RNF150: variants seen among roughly 807,000 people sequenced by gnomAD.
The protein encoded by RNF150 is ring finger protein 150.
RNF150 carries 24 observed loss-of-function variants against 39.3 expected under a neutral mutation model. The ratio of observed to expected loss-of-function variants is 0.61; its 90% CI spans 0.44 to 0.86. The LOEUF (loss-of-function observed/expected upper bound fraction) is 0.86. Among genes scored for constraint, RNF150 ranks in the 40% least tolerant of loss-of-function variants. The probability of loss-of-function intolerance (pLI) is 0.00; values close to 1 mark genes in which losing one functional copy is unlikely to be tolerated. For missense variants in RNF150, 502 were observed against 587.8 expected, an observed-to-expected ratio of 0.85 and a Z score of 1.51; for synonymous variants, 255 against 227.3, an observed-to-expected ratio of 1.12 and a Z score of -1.10.
intron 1 of RNF150, among the ~76,000 whole-genome samples, chr4:141,148,483 G>T (rs1727239561): frequency 6.6e-6 from 1 of 151,798 alleles, no homozygotes; most frequent in Admixed American, 6.6e-5. Flanking sequence ...TGTTCTTGTT[G>T]CCCAGGCTGG....
chr4:141,174,626 C>G (rs1318327530), intron 1 of RNF150, among the ~76,000 whole-genome samples: 1 of 152,024 alleles, frequency 6.6e-6, no homozygotes, highest in African/African-American at 2.4e-5. Flanking sequence ...TTATTTGGTT[C>G]CTTGGTCCCT....
In RNF150 at chr4:141,210,629, T is replaced by C. The variant is rs375967673; in HGVS notation, c.-6+2165A>G. ...AAGGGATTTTTTAAAAACATTGTTT[T>C]TCATTTGGCCCCATTGTTTTTTTTA... On this transcript the variant is annotated intron_variant, in intron 1 of 7. Transcript: ENST00000420921. Among the ~76,000 whole-genome samples, 3 of 152,268 alleles carry C rather than the reference T, an allele frequency of 2.0e-5. No individual in the cohort carries two copies. The East Asian group carries it at 5.8e-4, about 29-fold the overall frequency.
chr4:141,144,941 T>C (rs1727176369), intron 1 of RNF150, among the ~76,000 whole-genome samples: 2 of 152,162 alleles, frequency 1.3e-5, no homozygotes, highest in Admixed American at 6.5e-5. Flanking sequence ...AATTTGATAA[T>C]AAAATATTTA....
At chr4:141,050,563 C>T (rs1736737965) in intron 1 of RNF150, among the ~76,000 whole-genome samples, 1 of 152,118 alleles carries the variant, frequency 6.6e-6, no homozygotes, top group Non-Finnish European at 1.5e-5. Context: ...GAGAAAATGG[C>T]CAAAATGAAG....
intron 1 of RNF150, among the ~76,000 whole-genome samples, chr4:141,150,556 A>AT (rs1258437249): frequency 6.6e-6 from 1 of 152,024 alleles, no homozygotes; most frequent in Non-Finnish European, 1.5e-5. Context: ...TCTTTCCTCA[A>AT]TTTTCCGGTA....
chr4:141,031,890 T>C (rs988241781), intron 1 of RNF150, among the ~76,000 whole-genome samples: 3 of 151,968 alleles, frequency 2.0e-5, no homozygotes, highest in Non-Finnish European at 4.4e-5. Context: ...TTGATACATA[T>C]GCAGAGGAAA....
chr4:140,999,979 AGAAG>A (rs1734549664), intron 1 of RNF150, among the ~76,000 whole-genome samples: 3 of 28,662 alleles, frequency 1.0e-4, no homozygotes, highest in East Asian at 9.5e-4. Flanking sequence ...GAAGAAGAAA[AGAAG>A]AAAAGAAGAA....
intron 2 of RNF150, among the ~76,000 whole-genome samples, chr4:140,958,221 A>T (rs1732859607): frequency 6.6e-6 from 1 of 152,116 alleles, no homozygotes; most frequent in Non-Finnish European, 1.5e-5. Flanking sequence ...AAGGGACTGT[A>T]GATTTTGGTA....
chr4:141,005,650 G>C (rs191315238), intron 1 of RNF150, among the ~76,000 whole-genome samples: 93 of 152,284 alleles, frequency 6.1e-4, no homozygotes, highest in Middle Eastern at 3.4e-3. Context: ...GAGAAATGTG[G>C]CTACAACAAA....
chr4:141,005,929 C>T (rs922411925), intron 1 of RNF150, among the ~76,000 whole-genome samples: 2 of 146,978 alleles, frequency 1.4e-5, no homozygotes, highest in Non-Finnish European at 3.0e-5. Context: ...ATTAGCCGGG[C>T]GTAGTGGCGG....
chr4:140,947,591 G>A, intron 4 of RNF150, 63 bp downstream of exon 4: 1 of 1,223,820 alleles, frequency 8.2e-7, no homozygotes, highest in South Asian at 1.3e-5. Flanking sequence ...CGGGGCCAGG[G>A]AGGCCACGCA....
chr4:141,088,702 C>T (rs1738460555), intron 1 of RNF150, among the ~76,000 whole-genome samples: 1 of 151,592 alleles, frequency 6.6e-6, no homozygotes, highest in Admixed American at 6.6e-5. Context: ...CACACACACA[C>T]ACACACTTGA....
At chr4:141,145,730 A>G (rs1727190162) in intron 1 of RNF150, among the ~76,000 whole-genome samples, 1 of 152,232 alleles carries the variant, frequency 6.6e-6, no homozygotes, top group African/African-American at 2.4e-5. Flanking sequence ...AAGGAATTGT[A>G]TCAATTGCCC....
intron 1 of RNF150, among the ~76,000 whole-genome samples, chr4:141,109,091 G>A (rs549237686): frequency 5.3e-5 from 8 of 152,128 alleles, no homozygotes; most frequent in African/African-American, 1.4e-4. Flanking sequence ...ATACATTAGC[G>A]GTCACTTCAA....
chr4:141,115,050 A>G (rs939962088), intron 1 of RNF150, among the ~76,000 whole-genome samples: 5 of 152,220 alleles, frequency 3.3e-5, no homozygotes, highest in Non-Finnish European at 7.3e-5. Context: ...TGAATGGGCA[A>G]AAGCTGGAAG....
At chr4:141,075,254 G>A (rs1250711836) in intron 1 of RNF150, among the ~76,000 whole-genome samples, 1 of 152,256 alleles carries the variant, frequency 6.6e-6, no homozygotes, top group Non-Finnish European at 1.5e-5. Context: ...TGCGAAAGCA[G>A]CTATAGGCGA....
chr4:141,096,450 G>A (rs915400388), intron 1 of RNF150, among the ~76,000 whole-genome samples: 54 of 151,908 alleles, frequency 3.6e-4, no homozygotes, highest in African/African-American at 1.2e-3. Flanking sequence ...CGCCCGCCTC[G>A]GCCTCCCAAA....
chr4:141,130,720 T>C (rs1726872839), intron 1 of RNF150, among the ~76,000 whole-genome samples: 1 of 152,190 alleles, frequency 6.6e-6, no homozygotes, highest in South Asian at 2.1e-4. Context: ...CAAAAAAGCT[T>C]CCTTCACCCC....
intron 2 of RNF150, among the ~76,000 whole-genome samples, chr4:140,955,581 T>C (rs1229123303): frequency 2.0e-5 from 3 of 152,188 alleles, no homozygotes; most frequent in Non-Finnish European, 2.9e-5. Flanking sequence ...CTTTGAGACC[T>C]GAATAATCTA....
Sources: gnomAD v4.1 joint callset for allele counts (sites outside exome capture counted in the v4.1 genomes callset) on GRCh38, gnomAD v4.1.1 for gene constraint, MANE v1.5 for transcripts, NCBI Gene and HGNC (gene_info 2026-07-23, HGNC 2026-07-21) for gene names.